Variants in NPHP4 observed in about 807,000 individuals in gnomAD.
NPHP4 encodes nephrocystin-4.
Under a neutral mutation model 155.8 loss-of-function variants are expected in NPHP4, and 151 were observed. The ratio of observed to expected loss-of-function variants is 0.97; its 90% CI spans 0.85 to 1.11. The LOEUF is 1.11. Among genes scored for constraint, NPHP4 ranks in the 50% least tolerant of loss-of-function variants. The pLI is 0.00. For missense variants in NPHP4, 1,956 were observed against 1,925.7 expected (o/e 1.02, Z -0.29); for synonymous variants, 845 against 816.8 (o/e 1.03, Z -0.59).
chr1:5,949,605 G>A (rs1245871813), intron 7 of NPHP4, among the ~76,000 whole-genome samples: 1 of 152,046 alleles, frequency 6.6e-6, no homozygotes, highest in African/African-American at 2.4e-5. Flanking sequence ...GTGACAGCTG[G>A]AGACACGGTG....
chr1:5,956,024 G>A (rs997101931), intron 6 of NPHP4, among the ~76,000 whole-genome samples: 2 of 128,032 alleles, frequency 1.6e-5, no homozygotes, highest in Non-Finnish European at 3.2e-5. Context: ...ATTACAGTAA[G>A]CCAAGAAACA....
At chr1:5,928,630 T>G (rs990501325) in intron 10 of NPHP4, among the ~76,000 whole-genome samples, 3 of 152,226 alleles carry the variant, frequency 2.0e-5, no homozygotes, top group African/African-American at 7.2e-5. Flanking sequence ...CTCTCTAGTC[T>G]GTTCCATTAA....
intron 2 of NPHP4, among the ~76,000 whole-genome samples, chr1:5,980,285 C>T (rs1654453701): frequency 6.6e-6 from 1 of 152,330 alleles, no homozygotes; most frequent in East Asian, 1.9e-4. Context: ...AGGGTCTCAG[C>T]TGAGTTGTCT....
chr1:5,953,383 C>T lies in NPHP4; in HGVS notation c.674-547G>A, dbSNP rs565774325. 8.6e-4 allele frequency among the ~76,000 whole-genome samples: 131 copies of T among 152,252 alleles called. 1 individual carries two copies. The highest frequency in any genetic ancestry group is 6.8e-3 in the Middle Eastern group (2 of 294). On this transcript the variant is annotated intron_variant, in intron 6 of 29. Transcript: ENST00000378156. ...CCTCCCAAAGTGCTGAGATTACAGG[C>T]GTGAGCCACCACACCTGGCCCAGGA...
intron 27 of NPHP4, chr1:5,864,886 A>T: frequency 1.8e-6 from 1 of 567,202 alleles, no homozygotes; most frequent in Non-Finnish European, 3.2e-6. Flanking sequence ...AATTCTGAAC[A>T]CCGGCCTTTG....
At chr1:5,955,412 A>G (rs766071277) in intron 6 of NPHP4, among the ~76,000 whole-genome samples, 14 of 152,274 alleles carry the variant, frequency 9.2e-5, no homozygotes, top group Admixed American at 2.0e-4. Flanking sequence ...TGAAATCAGT[A>G]TGTCAAAGAG....
chr1:5,972,900 T>C (rs1329022754), intron 3 of NPHP4, among the ~76,000 whole-genome samples: 4 of 152,006 alleles, frequency 2.6e-5, no homozygotes, highest in Non-Finnish European at 5.9e-5. Flanking sequence ...TTTTTCTTTT[T>C]TTTGACAGAG....
At chr1:5,908,118 G>A (rs577968837) in intron 12 of NPHP4, among the ~76,000 whole-genome samples, 6 of 152,302 alleles carry the variant, frequency 3.9e-5, no homozygotes, top group African/African-American at 1.4e-4. Context: ...AATGGGGGGC[G>A]GGGTGCATGA....
In NPHP4 at chr1:5,874,658, C is replaced by T. The variant is rs751011207; in HGVS notation, c.3045-1G>A. 2.5e-6 allele frequency: 4 copies of T among 1,611,110 alleles called. No homozygotes were observed. Among genetic ancestry groups the T allele is most frequent in the Non-Finnish European group, 3.4e-6 (4 of 1,179,418 alleles). On this transcript the variant is annotated splice_acceptor_variant, in intron 21 of 29. Transcript: ENST00000378156. LOFTEE classifies it high-confidence loss of function. ...CCACTCCTGACTGTCCACGATGACG[C>T]TGGGGGAGGCAGTGTCCAGGCGTCA... is the stretch of plus-strand genomic sequence containing the variant.
chr1:5,954,086 T>C (rs1048725896), intron 6 of NPHP4, among the ~76,000 whole-genome samples: 1 of 152,254 alleles, frequency 6.6e-6, no homozygotes, highest in Non-Finnish European at 1.5e-5. Flanking sequence ...TCAAAAGCTT[T>C]AAAATATCAC....
chr1:5,964,941 A>ATATATTTTTT lies in NPHP4; in HGVS notation c.517+2357_517+2358insAAAAAATATA. Among the ~76,000 whole-genome samples the ATATATTTTTT allele has an allele frequency of 3.1e-3, 185 of 59,364 alleles. 4 individuals carry two copies. Among genetic ancestry groups the ATATATTTTTT allele is most frequent in the Non-Finnish European group, 3.8e-3 (134 of 34,944 alleles). The allele number at this position is 59,364 out of a possible 152,430, so 38.9% of individuals were successfully genotyped here. On this transcript the variant is annotated intron_variant, in intron 5 of 29. Coordinates refer to ENST00000378156, the MANE Select transcript of NPHP4 (RefSeq NM_015102.5). ...ATTATATATATATATATATATATAT[A>ATATATTTTTT]TTTTTTTTTTTTGAGGCAGGGTCTC...
At chr1:5,978,987 A>G (rs1654191988) in intron 2 of NPHP4, among the ~76,000 whole-genome samples, 1 of 152,216 alleles carries the variant, frequency 6.6e-6, no homozygotes, top group Non-Finnish European at 1.5e-5. Context: ...TTGAGAATTG[A>G]GAAATCATGG....
intron 7 of NPHP4, among the ~76,000 whole-genome samples, chr1:5,948,703 G>A (rs1647313809): frequency 6.6e-6 from 1 of 152,062 alleles, no homozygotes; most frequent in Non-Finnish European, 1.5e-5. Context: ...GGACGACGAT[G>A]GAGAGGTGCT....
intron 11 of NPHP4, among the ~76,000 whole-genome samples, chr1:5,919,222 G>A (rs1570437156): frequency 6.6e-6 from 1 of 152,330 alleles, no homozygotes; most frequent in African/African-American, 2.4e-5. Context: ...CTCAATTGTA[G>A]AAACAGAAAT....
At chr1:5,950,409 G>A (rs1000130263) in intron 7 of NPHP4, among the ~76,000 whole-genome samples, 13 of 152,140 alleles carry the variant, frequency 8.5e-5, no homozygotes, top group African/African-American at 2.9e-4. Context: ...AGCTATGGCC[G>A]AGTTGGCAAA....
Position 5,867,058 on chromosome 1 carries a change from G to C in NPHP4, c.3530C>G (p.Pro1177Arg). ...ATTCTGGGTCTCACAGATGACGTTC[G>C]GGTCGCTGCAGCGAACATGGACTGG... is the stretch of plus-strand genomic sequence containing the variant. ...DPPVHVRCSD[P>R]NVICETQNVG... Residue 1177 changes from proline (P) to arginine (R), a missense_variant, in exon 25 of 30, where the codon CCG becomes CGG. Coordinates refer to ENST00000378156, the MANE Select transcript of NPHP4 (RefSeq NM_015102.5). This position sits in a 1 kb window ranked among gnomAD's most constrained non-coding sequence, Gnocchi z 4.1. 1.2e-6 allele frequency: 2 copies of C among 1,613,020 alleles called. No individual in the cohort carries two copies. The highest frequency in any genetic ancestry group is 1.1e-5 in the South Asian group (1 of 90,772).
chr1:5,940,194 A>G (rs12070803), intron 9 of NPHP4, among the ~76,000 whole-genome samples: 2,843 of 152,300 alleles, frequency 0.019, 74 homozygotes, highest in African/African-American at 0.062. Flanking sequence ...TGGTGAGGCC[A>G]TGAGGGTGGA....
intron 6 of NPHP4, among the ~76,000 whole-genome samples, chr1:5,959,272 G>A (rs564851682): frequency 6.6e-6 from 1 of 152,300 alleles, no homozygotes; most frequent in East Asian, 1.9e-4. Flanking sequence ...TGGCACCTTG[G>A]TGACGGGCCG....
At position 5,877,210 on chromosome 1, in the gene NPHP4, C is replaced by T. The variant is rs760997128; in HGVS notation, c.2700G>A (p.Gly900=). 2 of 1,606,754 alleles carry T rather than the reference C, an allele frequency of 1.2e-6. No individual in the cohort carries two copies. The highest frequency in any genetic ancestry group is 8.5e-7 in the Non-Finnish European group (1 of 1,176,074). Residue 900 remains glycine (G), a synonymous_variant, in exon 20 of 30, where the codon GGG becomes GGA. Coordinates refer to ENST00000378156, the MANE Select transcript of NPHP4 (RefSeq NM_015102.5). ...MLLTHARQGK[G]PQDVSRESDA... is the part of the protein sequence containing the mutation. ...CCGACTCGCGGCTGACGTCCTGGGG[C>T]CCCTTGCCCTGCCGGGCATGGGTCA... is the stretch of plus-strand genomic sequence containing the variant.
Sources: allele counts gnomAD v4.1 joint callset (sites outside exome capture counted in the v4.1 genomes callset), GRCh38; gene constraint gnomAD v4.1.1; non-coding constraint Gnocchi (gnomAD v3.1); transcripts MANE v1.5; gene names NCBI Gene and HGNC (gene_info 2026-07-23, HGNC 2026-07-21).